Variants in HAPLN2 observed in about 807,000 individuals in gnomAD.
The protein encoded by HAPLN2 is brain link protein-1.
Under a neutral mutation model 29.3 loss-of-function variants are expected in HAPLN2, and 27 were observed. That is an observed-to-expected ratio of 0.92 (90% CI 0.68 to 1.27). HAPLN2 has a LOEUF of 1.27. Among genes scored for constraint, HAPLN2 ranks in the 50% most tolerant of loss-of-function variants. HAPLN2 has a pLI of 0.00. For missense variants in HAPLN2, 454 were observed against 484.3 expected, an observed-to-expected ratio of 0.94 and a Z score of 0.59; for synonymous variants, 208 against 211.7, an observed-to-expected ratio of 0.98 and a Z score of 0.15.
chr1:156,609,879 A>G, the HAPLN2 span, among the ~76,000 whole-genome samples: 1 of 152,200 alleles, frequency 6.6e-6, no homozygotes, highest in Admixed American at 6.5e-5. Context: ...TTTCCTATAG[A>G]ACAAACCTGC....
chr1:156,617,092 A>C (rs1678075239), upstream of HAPLN2, among the ~76,000 whole-genome samples: 2 of 150,948 alleles, frequency 1.3e-5, no homozygotes, highest in South Asian at 4.2e-4. Flanking sequence ...CCTGTTTCAA[A>C]AGAAAGAAAG....
the HAPLN2 span, among the ~76,000 whole-genome samples, chr1:156,612,737 C>G: frequency 1.3e-5 from 2 of 152,172 alleles, no homozygotes; most frequent in African/African-American, 2.4e-5. Flanking sequence ...ATAATGGCCA[C>G]TTCATCTTGG....
chr1:156,612,973 C>T, the HAPLN2 span, among the ~76,000 whole-genome samples: 1 of 152,256 alleles, frequency 6.6e-6, no homozygotes, highest in Non-Finnish European at 1.5e-5. Context: ...TTTTATTGAA[C>T]TCATTAATGA....
At chr1:156,618,822 AT>A (rs1228578189), upstream of HAPLN2, among the ~76,000 whole-genome samples, 1 of 151,012 alleles carries the variant, frequency 6.6e-6, no homozygotes, top group Non-Finnish European at 1.5e-5. Flanking sequence ...GAGAAAGTGA[AT>A]TTCCATCCAG....
chr1:156,615,514 C>T (rs1225951922), upstream of HAPLN2, among the ~76,000 whole-genome samples: 1 of 151,720 alleles, frequency 6.6e-6, no homozygotes, highest in African/African-American at 2.4e-5. Flanking sequence ...AATGATCACA[C>T]CACTGTACTG....
At chr1:156,609,447 A>T in the HAPLN2 span, among the ~76,000 whole-genome samples, 2 of 152,232 alleles carry the variant, frequency 1.3e-5, no homozygotes, top group African/African-American at 4.8e-5. Context: ...TAATGTTGTT[A>T]TGTTTGTTAA....
upstream of HAPLN2, among the ~76,000 whole-genome samples, chr1:156,617,351 C>CTTTT (rs36034383): frequency 3.9e-5 from 5 of 126,622 alleles, no homozygotes; most frequent in South Asian, 2.6e-4. Flanking sequence ...GGGTATGGTT[C>CTTTT]TTTTTTTTTT....
chr1:156,625,112 T>C lies in HAPLN2; in HGVS notation c.751T>C (p.Phe251Leu). The change falls in exon 7 of 7, where the codon TTC becomes CTC. Residue 251 changes from phenylalanine to leucine, a missense_variant. By Grantham distance (22) the Phe-to-Leu change is conservative. This residue lies in a region of HAPLN2 where 235 missense variants were observed against 236.9 expected (regional missense o/e 0.99). Coordinates refer to ENST00000255039, the MANE Select transcript of HAPLN2 (RefSeq NM_021817.3). The surrounding 1 kb of genome is among the most constrained non-coding windows in gnomAD (Gnocchi z 5.7). Reference sequence around the variant, plus strand: ...GCTGTGGTCCCCAGGCCAAGTGTTCTTCGTGCCCGGGCGGCTGACGCTGTC... The same window carrying C: ...GCTGTGGTCCCCAGGCCAAGTGTTCCTCGTGCCCGGGCGGCTGACGCTGTC... ...FTSALAGQVF[F>L]VPGRLTLSEA... The C allele has an allele frequency of 6.5e-7, 1 of 1,538,602 alleles. No homozygotes were observed. Among genetic ancestry groups the C allele is most frequent in the Non-Finnish European group, 8.7e-7 (1 of 1,146,558 alleles).
At chr1:156,617,090 A>AAAAG (rs71270462), upstream of HAPLN2, among the ~76,000 whole-genome samples, 87,691 of 148,282 alleles carry the variant, frequency 0.59, 27,873 homozygotes, top group Non-Finnish European at 0.7. Flanking sequence ...ACCCTGTTTC[A>AAAAG]AAAGAAAGAA....
At chr1:156,624,968 C>A in intron 6 of HAPLN2, 133 bp from the exon 7 acceptor site, 1 of 1,121,578 alleles carries the variant, frequency 8.9e-7, no homozygotes, top group East Asian at 3.2e-5. Flanking sequence ...ACTTTTGCCT[C>A]GATCCCCCAA....
the HAPLN2 span, among the ~76,000 whole-genome samples, chr1:156,609,967 G>A: frequency 4.6e-5 from 7 of 152,156 alleles, no homozygotes; most frequent in South Asian, 2.1e-4. Flanking sequence ...TGTAATCCCA[G>A]CACTTTGGGA....
the HAPLN2 span, among the ~76,000 whole-genome samples, chr1:156,602,984 A>C: frequency 6.6e-6 from 1 of 152,044 alleles, no homozygotes. Context: ...TGTATGTCAT[A>C]CCCATTCATC....
chr1:156,611,648 G>A, the HAPLN2 span, among the ~76,000 whole-genome samples: 1 of 152,122 alleles, frequency 6.6e-6, no homozygotes, highest in Non-Finnish European at 1.5e-5. Context: ...AAAACCAGGT[G>A]ATCCCTTCAA....
chr1:156,609,957 T>G, the HAPLN2 span, among the ~76,000 whole-genome samples: 5 of 152,132 alleles, frequency 3.3e-5, no homozygotes, highest in African/African-American at 9.7e-5. Flanking sequence ...GGCTCACGCC[T>G]GTAATCCCAG....
At chr1:156,618,757 C>T (rs989164496), upstream of HAPLN2, among the ~76,000 whole-genome samples, 1 of 120,354 alleles carries the variant, frequency 8.3e-6, no homozygotes. Context: ...CCAGCCTGAG[C>T]GACAGTGCGA....
At chr1:156,603,413 C>T in the HAPLN2 span, among the ~76,000 whole-genome samples, 3 of 151,830 alleles carry the variant, frequency 2.0e-5, no homozygotes, top group Admixed American at 2.0e-4. Flanking sequence ...CTTCAATTTC[C>T]ACCCACCCCC....
At chr1:156,607,403 T>A in the HAPLN2 span, among the ~76,000 whole-genome samples, 1 of 151,750 alleles carries the variant, frequency 6.6e-6, no homozygotes, top group East Asian at 1.9e-4. Context: ...TCGCTTGAAC[T>A]CAGGAGGTGG....
the HAPLN2 span, among the ~76,000 whole-genome samples, chr1:156,608,531 TC>T: frequency 6.6e-6 from 1 of 151,866 alleles, no homozygotes; most frequent in Admixed American, 6.6e-5. Context: ...TTCCTTTCTT[TC>T]TTCCTTCCTT....
the HAPLN2 span, among the ~76,000 whole-genome samples, chr1:156,602,003 GACTCACTC>G: frequency 6.6e-6 from 1 of 151,450 alleles, no homozygotes; most frequent in African/African-American, 2.4e-5. Flanking sequence ...GCGCGATATC[GACTCACTC>G]ACTGTAACCT....
Sources: allele counts gnomAD v4.1 joint callset (sites outside exome capture counted in the v4.1 genomes callset), GRCh38; gene constraint gnomAD v4.1.1; regional missense constraint gnomAD v4.1.1; non-coding constraint Gnocchi (gnomAD v3.1); transcripts MANE v1.5; gene names NCBI Gene and HGNC (gene_info 2026-07-23, HGNC 2026-07-21).